The following GABBR2 variants were observed in gnomAD, a reference collection of about 807,000 sequenced individuals.
GABBR2 encodes gamma-aminobutyric acid type B receptor subunit 2.
In GABBR2, 23 loss-of-function variants were observed where a neutral mutation model predicts 105.6. The observed-to-expected ratio is 0.22, with a 90% CI of 0.16 to 0.31. The LOEUF (loss-of-function observed/expected upper bound fraction) is 0.31. Ranked by LOEUF, GABBR2 falls within the 10% of genes least tolerant of loss-of-function variation. The pLI is 1.00. For missense variants in GABBR2, 734 were observed against 1,245.5 expected, an observed-to-expected ratio of 0.59 and a Z score of 6.18; for synonymous variants, 478 against 499.7, an observed-to-expected ratio of 0.96 and a Z score of 0.58.
chr9:98,323,428 T>G lies in GABBR2; in HGVS notation c.1894-12223A>C, dbSNP rs111598336. ...CCTGAGCTGGCAAGGGCAGCCCTCTTCCCCATAGTTCCTGCCTGGCCTAGG... is the reference window on the plus strand; with the variant it reads ...CCTGAGCTGGCAAGGGCAGCCCTCTGCCCCATAGTTCCTGCCTGGCCTAGG... On this transcript the variant is annotated intron_variant, in intron 13 of 18. Transcript: ENST00000259455. 3.6e-3 allele frequency among the ~76,000 whole-genome samples: 543 copies of G among 152,290 alleles called. 4 individuals carry two copies. The highest frequency in any genetic ancestry group is 0.013 in the African/African-American group (520 of 41,564).
chr9:98,400,619 G>T (rs1397424037), intron 8 of GABBR2, among the ~76,000 whole-genome samples: 4 of 152,192 alleles, frequency 2.6e-5, no homozygotes. Context: ...AGTGACCTGG[G>T]TGTCCGTCCC....
intron 7 of GABBR2, among the ~76,000 whole-genome samples, chr9:98,440,022 GCCTA>G (rs1336736786): frequency 6.6e-6 from 1 of 152,170 alleles, no homozygotes. Flanking sequence ...GAAGGTCCCA[GCCTA>G]CTTCCTTACT....
chr9:98,317,348 G>A (rs895697633), intron 13 of GABBR2, among the ~76,000 whole-genome samples: 2 of 147,106 alleles, frequency 1.4e-5, no homozygotes, highest in East Asian at 1.9e-4. Flanking sequence ...CAGCTGGCCC[G>A]AGAGTCCCTC....
chr9:98,656,598 T>C (rs776029862), intron 1 of GABBR2, among the ~76,000 whole-genome samples: 1 of 152,214 alleles, frequency 6.6e-6, no homozygotes, highest in Non-Finnish European at 1.5e-5. Context: ...TTATTTCTGA[T>C]CTAAAAATAA....
chr9:98,302,115 ATCTAAT>A (rs1209270739), intron 16 of GABBR2, among the ~76,000 whole-genome samples: 2 of 152,160 alleles, frequency 1.3e-5, no homozygotes, highest in East Asian at 3.8e-4. Flanking sequence ...GGCATCCCAT[ATCTAAT>A]CTGGCAACCC....
intron 7 of GABBR2, among the ~76,000 whole-genome samples, chr9:98,438,392 G>A (rs1182700726): frequency 6.6e-6 from 1 of 151,840 alleles, no homozygotes; most frequent in African/African-American, 2.4e-5. Flanking sequence ...TATCTATTAT[G>A]TGTAAAACCC....
At chr9:98,666,747 A>G (rs996236966) in intron 1 of GABBR2, among the ~76,000 whole-genome samples, 2 of 152,192 alleles carry the variant, frequency 1.3e-5, no homozygotes, top group Non-Finnish European at 2.9e-5. Context: ...AGAGGGCCTG[A>G]GCAACAGAGA....
chr9:98,318,513 C>T (rs1194011626), intron 13 of GABBR2, among the ~76,000 whole-genome samples: 5 of 152,094 alleles, frequency 3.3e-5, no homozygotes, highest in African/African-American at 4.8e-5. Flanking sequence ...CTGGCCAGGG[C>T]GGTTAGGGGT....
intron 8 of GABBR2, among the ~76,000 whole-genome samples, chr9:98,403,928 C>T (rs1037562275): frequency 1.3e-5 from 2 of 152,052 alleles, no homozygotes; most frequent in Admixed American, 6.5e-5. Context: ...TGAAATTCTA[C>T]AGTGAGGAAG....
chr9:98,326,496 G>T (rs1830927094), intron 13 of GABBR2, among the ~76,000 whole-genome samples: 1 of 152,234 alleles, frequency 6.6e-6, no homozygotes, highest in African/African-American at 2.4e-5. Flanking sequence ...GGTGGTGGGT[G>T]TGGGAGATCA....
chr9:98,481,411 C>A (rs972462258), intron 4 of GABBR2, among the ~76,000 whole-genome samples: 5 of 152,222 alleles, frequency 3.3e-5, no homozygotes, highest in Non-Finnish European at 2.9e-5. Context: ...GAGAAAGGAG[C>A]TTCTAAGGCC....
At chr9:98,402,034 G>C (rs554211175) in intron 8 of GABBR2, among the ~76,000 whole-genome samples, 1 of 152,260 alleles carries the variant, frequency 6.6e-6, no homozygotes, top group East Asian at 1.9e-4. Context: ...CAATTATGTC[G>C]TTAGAGTGAA....
At chr9:98,607,093 G>A (rs1829436370) in intron 1 of GABBR2, 35 of 1,586,764 alleles carry the variant, frequency 2.2e-5, no homozygotes, top group East Asian at 4.5e-5. Flanking sequence ...TTTGATTCAC[G>A]CTATGGTAGT....
intron 14 of GABBR2, among the ~76,000 whole-genome samples, chr9:98,307,577 CTG>C (rs1048436271): frequency 6.6e-6 from 1 of 152,194 alleles, no homozygotes. Flanking sequence ...CAGCATAACG[CTG>C]TGTGGTAGAA....
intron 7 of GABBR2, among the ~76,000 whole-genome samples, chr9:98,414,355 G>C (rs1832647055): frequency 6.6e-6 from 1 of 152,188 alleles, no homozygotes; most frequent in South Asian, 2.1e-4. Flanking sequence ...AGGCAGGAAA[G>C]AGATTGGGAA....
intron 1 of GABBR2, among the ~76,000 whole-genome samples, chr9:98,579,733 C>A (rs185810861): frequency 1.3e-5 from 2 of 151,878 alleles, no homozygotes; most frequent in Admixed American, 6.6e-5. Flanking sequence ...TTTAAGGAAC[C>A]GGGACTGAAA....
intron 12 of GABBR2, among the ~76,000 whole-genome samples, chr9:98,363,782 T>C (rs1831629298): frequency 6.6e-6 from 1 of 152,196 alleles, no homozygotes; most frequent in South Asian, 2.1e-4. Context: ...TTTTTATTAC[T>C]CTGTGAGACT....
At chr9:98,347,212 C>A (rs1022073553) in intron 13 of GABBR2, among the ~76,000 whole-genome samples, 1 of 152,190 alleles carries the variant, frequency 6.6e-6, no homozygotes, top group Non-Finnish European at 1.5e-5. Flanking sequence ...TATAAGAATT[C>A]TCTTTTTTCT....
rs34153997 is a variant in GABBR2 at position 98,305,979 on chromosome 9, C to T, written c.2229+142G>A. On this transcript the variant is annotated intron_variant, in intron 15 of 18. Coordinates refer to ENST00000259455, the MANE Select transcript of GABBR2 (RefSeq NM_005458.8). ...CCTGGCCTTTACTACTGTGCATTTT[C>T]TGAATTTTCTATAATGTGAATTGTC... 0.063 allele frequency: 40,500 copies of T among 646,278 alleles called. 1,704 individuals carry two copies. The highest frequency in any genetic ancestry group is 0.11 in the Middle Eastern group (259 of 2,358). The allele number at this position is 646,278 out of a possible 1,614,324, so 40.0% of individuals were successfully genotyped here. A position where few individuals can be genotyped will look rare whatever the true frequency, so the allele number is the denominator to read the frequency against.
Sources: gnomAD v4.1 joint callset for allele counts (sites outside exome capture counted in the v4.1 genomes callset) on GRCh38, gnomAD v4.1.1 for gene constraint, MANE v1.5 for transcripts, NCBI Gene and HGNC (gene_info 2026-07-23, HGNC 2026-07-21) for gene names.